MED15: variants seen among roughly 807,000 people sequenced by gnomAD.
The protein encoded by MED15 is mediator of RNA polymerase II transcription subunit 15.
In MED15, 41 loss-of-function variants were observed where a neutral mutation model predicts 118.7. The observed-to-expected ratio is 0.35, with a 90% CI of 0.27 to 0.45. MED15 has a LOEUF of 0.45. Among genes scored for constraint, MED15 ranks in the 20% least tolerant of loss-of-function variants. The probability of loss-of-function intolerance (pLI) is 1.00; values close to 1 mark genes in which losing one functional copy is unlikely to be tolerated. For missense variants in MED15, 740 were observed against 1,025.5 expected (o/e 0.72, Z 3.80); for synonymous variants, 436 against 413.9 (o/e 1.05, Z -0.65).
At position 20,575,135 on chromosome 22, in the gene MED15, A is replaced by G. The variant is rs1286140674; in HGVS notation, c.1175A>G (p.Gln392Arg). 1.2e-6 allele frequency: 2 copies of G among 1,614,154 alleles called. No individual in the cohort carries two copies. The highest frequency in any genetic ancestry group is 1.7e-6 in the Non-Finnish European group (2 of 1,180,034). ...GVQMITEALA[Q>R]GGMHIRARFP... Reference sequence around the variant, plus strand: ...AAGATGATCACGGAAGCCTTGGCCCAAGGTGGGATGCACATAAGAGCCCGG... The same window carrying G: ...AAGATGATCACGGAAGCCTTGGCCCGAGGTGGGATGCACATAAGAGCCCGG... The change falls in exon 9 of 18, where the codon CAA becomes CGA. Residue 392 changes from glutamine to arginine, a missense_variant. By Grantham distance (43) the Gln-to-Arg change is conservative. Transcript: ENST00000263205.
At chr22:20,538,190 T>C (rs2055154060) in intron 2 of MED15, among the ~76,000 whole-genome samples, 1 of 152,002 alleles carries the variant, frequency 6.6e-6, no homozygotes, top group South Asian at 2.1e-4. Flanking sequence ...TACGCCATCC[T>C]CTTGCCTAGG....
intron 2 of MED15, among the ~76,000 whole-genome samples, chr22:20,538,683 C>T (rs956967809): frequency 1.3e-5 from 2 of 151,928 alleles, no homozygotes; most frequent in Non-Finnish European, 2.9e-5. Flanking sequence ...TATAATTGTA[C>T]AACATATGGG....
At position 20,582,706 on chromosome 22, in the gene MED15, G is replaced by T; in HGVS notation, c.1368G>T (p.Pro456=). Residue 456 remains proline, a synonymous_variant, in exon 10 of 18, where the codon CCG becomes CCT. Coordinates refer to ENST00000263205, the MANE Select transcript of MED15 (RefSeq NM_001003891.3). ...TGCCCCCTCCCCCCCAGCCGTCCCC[G>T]CAGCCCGGCCAGCCCAGCTCACAGC... is the stretch of plus-strand genomic sequence containing the variant. The part of the protein sequence containing the change: ...QSMPPPPQPS[P]QPGQPSSQPN... The T allele has an allele frequency of 8.0e-7, 1 of 1,255,302 alleles. No individual in the cohort carries two copies. 77.8% of individuals were successfully genotyped at this position (1,255,302 alleles called of 1,614,324 possible). A position where few individuals can be genotyped will look rare whatever the true frequency, so the allele number is the denominator to read the frequency against.
At chr22:20,540,029 T>C (rs560958918) in intron 2 of MED15, among the ~76,000 whole-genome samples, 2 of 152,188 alleles carry the variant, frequency 1.3e-5, no homozygotes, top group Admixed American at 6.5e-5. Flanking sequence ...TATTTATTTT[T>C]ATTTTTGTTT....
intron 17 of MED15, among the ~76,000 whole-genome samples, 181 bp from the exon 18 acceptor site, chr22:20,586,387 G>C (rs966127798): frequency 2.6e-5 from 4 of 152,238 alleles, no homozygotes; most frequent in African/African-American, 9.6e-5. Context: ...GTTCAGATTT[G>C]GTTCTCACTG....
chr22:20,517,654 C>T (rs563709484), intron 1 of MED15, among the ~76,000 whole-genome samples: 1 of 152,282 alleles, frequency 6.6e-6, no homozygotes, highest in African/African-American at 2.4e-5. Flanking sequence ...CAATCATTTC[C>T]TGCCTCTCAG....
intron 8 of MED15, among the ~76,000 whole-genome samples, chr22:20,571,310 C>T (rs1217596307): frequency 6.6e-6 from 1 of 152,248 alleles, no homozygotes. Context: ...CCCCTTGTTT[C>T]AGGTGGAGGT....
chr22:20,563,086 G>A (rs2056306330), intron 5 of MED15, among the ~76,000 whole-genome samples: 1 of 152,122 alleles, frequency 6.6e-6, no homozygotes, highest in Non-Finnish European at 1.5e-5. Context: ...AATAGTGACA[G>A]CCTCAAGTGT....
intron 6 of MED15, among the ~76,000 whole-genome samples, chr22:20,565,003 T>C (rs1337093860): frequency 6.6e-6 from 1 of 152,204 alleles, no homozygotes; most frequent in African/African-American, 2.4e-5. Context: ...CGTACACCTA[T>C]AATCCCAGCT....
Position 20,582,614 on chromosome 22 carries a change from A to G in MED15, c.1276A>G (p.Ser426Gly), listed in dbSNP as rs1297262600. Residue 426 changes from serine (S) to glycine (G), a missense_variant, in exon 10 of 18, where the codon AGC becomes GGC. Coordinates refer to ENST00000263205, the MANE Select transcript of MED15 (RefSeq NM_001003891.3). ...GGCTGAGCCCCTCCACTTCCAGGTCAGCCAGAGCAGCCTCCCCATGCTGTC... is the reference window on the plus strand; with the variant it reads ...GGCTGAGCCCCTCCACTTCCAGGTCGGCCAGAGCAGCCTCCCCATGCTGTC... The part of the protein sequence containing the change: ...PLGRQPMAQV[S>G]QSSLPMLSSP... 6.4e-7 allele frequency: 1 copy of G among 1,551,812 alleles called. No homozygotes were observed. Among genetic ancestry groups the G allele is most frequent in the Admixed American group, 1.9e-5 (1 of 52,570 alleles).
intron 6 of MED15, among the ~76,000 whole-genome samples, chr22:20,566,200 TG>T (rs2146591779): frequency 6.6e-6 from 1 of 152,060 alleles, no homozygotes; most frequent in African/African-American, 2.4e-5. Context: ...CCACCATGCC[TG>T]GCTAATTTTT....
intron 9 of MED15, among the ~76,000 whole-genome samples, chr22:20,576,120 A>T (rs946132009): frequency 5.9e-5 from 9 of 152,254 alleles, no homozygotes; most frequent in African/African-American, 2.2e-4. Context: ...TAGTTACCAC[A>T]TGCATTCTGT....
At chr22:20,520,772 C>T (rs939133309) in intron 1 of MED15, among the ~76,000 whole-genome samples, 5 of 152,142 alleles carry the variant, frequency 3.3e-5, no homozygotes, top group Middle Eastern at 3.2e-3. Context: ...GGGTCTCGCC[C>T]TGTTGCCCAG....
intron 2 of MED15, among the ~76,000 whole-genome samples, chr22:20,546,202 A>G (rs1456839904): frequency 6.6e-6 from 1 of 152,058 alleles, no homozygotes; most frequent in Non-Finnish European, 1.5e-5. Flanking sequence ...AGCCCTCCCC[A>G]TGGGCTCTGA....
Position 20,566,468 on chromosome 22 carries a change from T to A in MED15, c.692T>A (p.Ile231Lys). The change falls in exon 7 of 18, where the codon ATA (isoleucine) becomes AAA (lysine). Residue 231 changes from isoleucine to lysine, a missense_variant and splice_region_variant. Ile to Lys is a moderately radical substitution (Grantham distance 102). Coordinates refer to ENST00000263205, the MANE Select transcript of MED15 (RefSeq NM_001003891.3). The part of the protein sequence containing the change: ...IKLHHQNQQQ[I>K]QQQQQQLQRI... ...GAGTGCTGCTTGTTCTGTCTCTAGA[T>A]ACAGCAGCAGCAACAGCAGCTGCAG... The A allele has an allele frequency of 6.2e-7, 1 of 1,612,116 alleles. No individual in the cohort carries two copies. The highest frequency in any genetic ancestry group is 8.5e-7 in the Non-Finnish European group (1 of 1,179,964).
At chr22:20,520,604 A>G (rs1309044466) in intron 1 of MED15, among the ~76,000 whole-genome samples, 2 of 152,124 alleles carry the variant, frequency 1.3e-5, no homozygotes, top group East Asian at 3.9e-4. Flanking sequence ...CGACACGCAT[A>G]CTTCCAATCT....
chr22:20,566,004 A>C (rs2056424062), intron 6 of MED15, among the ~76,000 whole-genome samples: 1 of 141,652 alleles, frequency 7.1e-6, no homozygotes, highest in Non-Finnish European at 1.5e-5. Flanking sequence ...TGTGAGTGAG[A>C]GGTCAGCCTG....
In MED15 at chr22:20,507,718, G is replaced by A. The variant is rs1319975079; in HGVS notation, c.40G>A (p.Ala14Thr). 3 of 1,614,026 alleles carry A rather than the reference G, an allele frequency of 1.9e-6. No homozygotes were observed. The highest frequency in any genetic ancestry group is 4.5e-5 in the East Asian group (2 of 44,880). The change falls in exon 1 of 18, where the codon GCC (alanine) becomes ACC (threonine). Residue 14 changes from alanine to threonine, a missense_variant. By Grantham distance (58) the Ala-to-Thr change is moderately conservative. Transcript: ENST00000263205. Reference protein sequence around the residue: ...SGQETDWRSTAFRQKLVSQIE... With the variant: ...SGQETDWRSTTFRQKLVSQIE... ...GCAAGAGACCGACTGGCGGAGCACCGCCTTCCGGCAGAAGCTGGTCAGTCA... is the reference window on the plus strand; with the variant it reads ...GCAAGAGACCGACTGGCGGAGCACCACCTTCCGGCAGAAGCTGGTCAGTCA...
intron 1 of MED15, among the ~76,000 whole-genome samples, chr22:20,520,868 T>C (rs891173153): frequency 6.6e-6 from 1 of 152,004 alleles, no homozygotes; most frequent in African/African-American, 2.4e-5. Context: ...GCCTCCCAAG[T>C]AGCTGGTACT....
Sources: allele counts gnomAD v4.1 joint callset (sites outside exome capture counted in the v4.1 genomes callset), GRCh38; gene constraint gnomAD v4.1.1; transcripts MANE v1.5; gene names NCBI Gene and HGNC (gene_info 2026-07-23, HGNC 2026-07-21).